Variants in PALLD observed in about 807,000 individuals in gnomAD.
PALLD encodes the protein palladin.
PALLD carries 61 observed loss-of-function variants against 123.5 expected under a neutral mutation model. The observed-to-expected ratio is 0.49, with a 90% CI of 0.40 to 0.61. The LOEUF is 0.61. PALLD is among the 20% of genes least tolerant of loss of function. The pLI, the probability that PALLD is intolerant of heterozygous loss-of-function variation, is 0.00. For missense variants in PALLD, 1,273 were observed against 1,377.0 expected (o/e 0.92, Z 1.20); for synonymous variants, 465 against 496.4 (o/e 0.94, Z 0.84).
At chr4:168,623,872 GA>G (rs1479032266) in intron 2 of PALLD, among the ~76,000 whole-genome samples, 1 of 152,108 alleles carries the variant, frequency 6.6e-6, no homozygotes, top group Non-Finnish European at 1.5e-5. Flanking sequence ...TACAGAAGAG[GA>G]AAGAAGAAAT....
intron 10 of PALLD, among the ~76,000 whole-genome samples, chr4:168,821,044 A>G (rs1427103705): frequency 6.6e-6 from 1 of 152,226 alleles, no homozygotes; most frequent in Non-Finnish European, 1.5e-5. Context: ...AGCAAGTCGC[A>G]TGCTTTGCTT....
At chr4:168,716,329 A>G (rs781479893) in intron 10 of PALLD, among the ~76,000 whole-genome samples, 12 of 152,198 alleles carry the variant, frequency 7.9e-5, no homozygotes, top group Non-Finnish European at 1.6e-4. Flanking sequence ...TCTAGTGCCA[A>G]AAATATGTGC....
Position 168,613,429 on chromosome 4 carries a change from C to T in PALLD, c.909-54761C>T, listed in dbSNP as rs550597030. Among the ~76,000 whole-genome samples, 241 of 152,348 alleles carry T rather than the reference C, an allele frequency of 1.6e-3. 7 individuals carry two copies. The highest frequency in any genetic ancestry group is 0.016 in the Admixed American group (240 of 15,308). Reference sequence around the variant, plus strand: ...GAATTCCCCTCACCTACAGACCATCCTCAGCCTCAATCTTTACCTGTCCAC... The same window carrying T: ...GAATTCCCCTCACCTACAGACCATCTTCAGCCTCAATCTTTACCTGTCCAC... On this transcript the variant is annotated intron_variant, in intron 2 of 21. Coordinates refer to ENST00000505667, the MANE Select transcript of PALLD (RefSeq NM_001166108.2).
intron 2 of PALLD, among the ~76,000 whole-genome samples, chr4:168,603,017 C>T (rs1223315250): frequency 2.6e-5 from 4 of 152,180 alleles, no homozygotes; most frequent in Admixed American, 2.0e-4. Context: ...AGCCTCCCAC[C>T]TTGGCCTCCC....
rs1163559240 is a variant in PALLD at position 168,844,361 on chromosome 4, G to A, written c.1965-46561G>A. The A allele has an allele frequency of 1.3e-5, 2 of 152,164 alleles. No homozygotes were observed. The highest frequency in any genetic ancestry group is 6.5e-5 in the Admixed American group (1 of 15,284). The allele number at this position is 152,164 out of a possible 1,614,324, so 9.4% of individuals were successfully genotyped here. A position where few individuals can be genotyped will look rare whatever the true frequency, so the allele number is the denominator to read the frequency against. The stretch of plus-strand genomic sequence containing the variant: ...TTACAAAGTATTTTATCTACATTCT[G>A]TATTAATTCTCAACAGTCCTGTGAG... On this transcript the variant is annotated intron_variant, in intron 10 of 21. Transcript: ENST00000505667. The surrounding 1 kb of genome is among the most constrained non-coding windows in gnomAD (Gnocchi z 4.5).
intron 10 of PALLD, among the ~76,000 whole-genome samples, chr4:168,797,550 G>GA (rs1012113147): frequency 5.9e-5 from 9 of 152,022 alleles, no homozygotes; most frequent in African/African-American, 2.2e-4. Context: ...GGTGCCTTAC[G>GA]AAAAAGAAAC....
At chr4:168,538,780 C>T (rs764137319) in intron 2 of PALLD, among the ~76,000 whole-genome samples, 7 of 152,214 alleles carry the variant, frequency 4.6e-5, no homozygotes, top group Non-Finnish European at 7.3e-5. Context: ...AAATAAATTA[C>T]AGGCAAGCTT....
At chr4:168,881,066 G>A (rs189078299) in intron 10 of PALLD, among the ~76,000 whole-genome samples, 599 of 152,056 alleles carry the variant, frequency 3.9e-3, no homozygotes, top group Non-Finnish European at 6.9e-3. Context: ...CATCACGTCC[G>A]TCTAGTTTTT....
intron 10 of PALLD, among the ~76,000 whole-genome samples, chr4:168,727,317 G>T (rs866215701): frequency 9.9e-5 from 15 of 152,170 alleles, no homozygotes; most frequent in Middle Eastern, 3.4e-3. Context: ...TTTTCACAGG[G>T]GCTGAACTAA....
At chr4:168,866,098 TAAA>T (rs11398682) in intron 10 of PALLD, among the ~76,000 whole-genome samples, 1 of 138,766 alleles carries the variant, frequency 7.2e-6, no homozygotes, top group Non-Finnish European at 1.6e-5. Flanking sequence ...CTGTCTCTAC[TAAA>T]AAAAAAAAAA....
rs575522744 is a variant in PALLD, at chr4:168,826,560, T to G, written c.1965-64362T>G. On this transcript the variant is annotated intron_variant, in intron 10 of 21. Coordinates refer to ENST00000505667, the MANE Select transcript of PALLD (RefSeq NM_001166108.2). ...TTCTATAGTCAGATAAACAGGAGAA[T>G]GCATGTGACATGATTGGCATAATGC... Among the ~76,000 whole-genome samples, 7 of 152,334 alleles carry G rather than the reference T, an allele frequency of 4.6e-5. No individual in the cohort carries two copies. In the South Asian group the frequency reaches 6.2e-4, roughly 14 times the overall value.
At position 168,927,967 on chromosome 4, in the gene PALLD, T is replaced by C. The variant is rs886059215; in HGVS notation, c.*1787T>C. ...TCAGTTACTCAATTCATACGTAGTA[T>C]TTTTTAAAATAATTTTATATCTGTG... On this transcript the variant is annotated 3_prime_UTR_variant, in exon 22 of 22. Coordinates refer to ENST00000505667, the MANE Select transcript of PALLD (RefSeq NM_001166108.2). 1 of 196,340 alleles carries C rather than the reference T, an allele frequency of 5.1e-6. No individual in the cohort carries two copies. Among genetic ancestry groups the C allele is most frequent in the Admixed American group, 6.1e-5 (1 of 16,490 alleles). 12.2% of individuals were successfully genotyped at this position (196,340 alleles called of 1,614,324 possible).
intron 10 of PALLD, among the ~76,000 whole-genome samples, chr4:168,764,474 C>G (rs1733382985): frequency 6.6e-6 from 1 of 152,092 alleles, no homozygotes; most frequent in Admixed American, 6.5e-5. Flanking sequence ...TAGCTATTCA[C>G]AGGTGCAGTC....
chr4:168,560,341 T>C (rs188608432), intron 2 of PALLD, among the ~76,000 whole-genome samples: 2 of 152,308 alleles, frequency 1.3e-5, no homozygotes, highest in African/African-American at 4.8e-5. Context: ...AAGTTCTTCT[T>C]GTCCAGTAAC....
At chr4:168,839,994 A>G (rs1042058766) in intron 10 of PALLD, among the ~76,000 whole-genome samples, 1 of 152,188 alleles carries the variant, frequency 6.6e-6, no homozygotes, top group African/African-American at 2.4e-5. Context: ...TGAAACCTCA[A>G]ATAGATTGAT....
intron 2 of PALLD, among the ~76,000 whole-genome samples, chr4:168,663,003 A>G (rs537110775): frequency 6.6e-6 from 1 of 152,358 alleles, no homozygotes; most frequent in South Asian, 2.1e-4. Flanking sequence ...CTTCAGTTTG[A>G]GTTGGTGAAA....
intron 14 of PALLD, among the ~76,000 whole-genome samples, chr4:168,900,698 T>C (rs918572337): frequency 3.3e-5 from 5 of 152,208 alleles, no homozygotes; most frequent in Non-Finnish European, 7.3e-5. Flanking sequence ...AAACCCTATA[T>C]ACTTCCTAAT....
At chr4:168,524,601 A>T (rs1763872582) in intron 2 of PALLD, among the ~76,000 whole-genome samples, 1 of 152,174 alleles carries the variant, frequency 6.6e-6, no homozygotes. Context: ...GAATCTGTAC[A>T]TTTTAACTGC....
intron 1 of PALLD, among the ~76,000 whole-genome samples, chr4:168,508,128 C>A (rs528777983): frequency 7.9e-5 from 12 of 152,142 alleles, no homozygotes; most frequent in African/African-American, 2.9e-4. Context: ...TTTCAAATGG[C>A]TAGAAGGAAG....
Sources: allele counts gnomAD v4.1 joint callset (sites outside exome capture counted in the v4.1 genomes callset), GRCh38; gene constraint gnomAD v4.1.1; non-coding constraint Gnocchi (gnomAD v3.1); transcripts MANE v1.5; gene names NCBI Gene and HGNC (gene_info 2026-07-23, HGNC 2026-07-21).